The following ERC2 variants were observed in gnomAD, a reference collection of about 807,000 sequenced individuals.
ERC2 encodes the protein ELKS/RAB6-interacting/CAST family member 2.
ERC2 carries 42 observed loss-of-function variants against 114.8 expected under a neutral mutation model. The ratio of observed to expected loss-of-function variants is 0.37; its 90% CI spans 0.29 to 0.47. The LOEUF (loss-of-function observed/expected upper bound fraction) is 0.47. Among genes scored for constraint, ERC2 ranks in the 20% least tolerant of loss-of-function variants. The probability of loss-of-function intolerance (pLI) is 0.99; values close to 1 mark genes in which losing one functional copy is unlikely to be tolerated. For missense variants in ERC2, 939 were observed against 1,150.7 expected (o/e 0.82, Z 2.66); for synonymous variants, 454 against 425.5 (o/e 1.07, Z -0.82).
At chr3:55,831,996 C>G (rs2060623668) in intron 14 of ERC2, among the ~76,000 whole-genome samples, 1 of 152,364 alleles carries the variant, frequency 6.6e-6, no homozygotes, top group African/African-American at 2.4e-5. Flanking sequence ...CGGAGTTTCA[C>G]TGATTGCTGG....
In ERC2 at chr3:55,715,004, C is replaced by A. The variant is rs373634729; in HGVS notation, c.2713-15492G>T. On this transcript the variant is annotated intron_variant, in intron 15 of 17. Coordinates refer to ENST00000288221, the MANE Select transcript of ERC2 (RefSeq NM_015576.3). ...CTTTGGAGAATTGAGACTCCTGTTG[C>A]CTTCTATTTTAGTGAACTACAACAG... Among the ~76,000 whole-genome samples, 30 of 152,086 alleles carry A rather than the reference C, an allele frequency of 2.0e-4. 1 individual carries two copies. Among genetic ancestry groups the A allele is most frequent in the East Asian group, 1.9e-3 (10 of 5,170 alleles).
At chr3:55,987,185 G>T (rs1347469770) in intron 11 of ERC2, among the ~76,000 whole-genome samples, 2 of 152,168 alleles carry the variant, frequency 1.3e-5, no homozygotes, top group African/African-American at 4.8e-5. Context: ...AGTGTTTTGT[G>T]ATCATAAATG....
At chr3:55,647,888 GCCTCGC>G (rs2148669499) in intron 17 of ERC2, among the ~76,000 whole-genome samples, 1 of 152,338 alleles carries the variant, frequency 6.6e-6, no homozygotes, top group South Asian at 2.1e-4. Context: ...TGCTGCAGCC[GCCTCGC>G]CCTGTGGAGA....
chr3:55,834,826 G>A (rs534778021), intron 14 of ERC2, among the ~76,000 whole-genome samples: 1 of 129,158 alleles, frequency 7.7e-6, no homozygotes, highest in South Asian at 2.5e-4. Flanking sequence ...TTTTTTGAAA[G>A]GATCAACAAA....
intron 7 of ERC2, among the ~76,000 whole-genome samples, chr3:56,075,579 G>C (rs957750799): frequency 6.6e-6 from 1 of 152,064 alleles, no homozygotes; most frequent in Non-Finnish European, 1.5e-5. Context: ...GCCATATGTT[G>C]TTCTCCACTG....
chr3:55,607,107 CATTCATTAA>C (rs2058671841), intron 17 of ERC2: 2 of 152,428 alleles, frequency 1.3e-5, no homozygotes, highest in South Asian at 4.2e-4. Flanking sequence ...ATTCTACACA[CATTCATTAA>C]GCATGGTGCC....
rs567476258 is a variant in ERC2, at chr3:55,537,178, G to A, written c.*40-25902C>T. Among the ~76,000 whole-genome samples the A allele has an allele frequency of 7.9e-5, 12 of 152,304 alleles. No homozygotes were observed. In the South Asian group the frequency reaches 1.5e-3, roughly 18 times the overall value. The stretch of plus-strand genomic sequence containing the variant: ...CGGTAACTCACTGCAGACCAGCGGG[G>A]CTGGCCGGCCACATTTCCACAAGAA... On this transcript the variant is annotated intron_variant, in intron 17 of 17. Coordinates refer to ENST00000288221, the MANE Select transcript of ERC2 (RefSeq NM_015576.3).
intron 2 of ERC2, among the ~76,000 whole-genome samples, chr3:56,412,453 A>G (rs914216030): frequency 6.6e-6 from 1 of 152,234 alleles, no homozygotes; most frequent in African/African-American, 2.4e-5. Flanking sequence ...CAGATCAGGA[A>G]ACTGAGGCTC....
At chr3:56,215,385 A>T (rs2049386516) in intron 3 of ERC2, among the ~76,000 whole-genome samples, 1 of 152,248 alleles carries the variant, frequency 6.6e-6, no homozygotes, top group Non-Finnish European at 1.5e-5. Flanking sequence ...AAAGATCAAA[A>T]GAGACAAAGA....
chr3:56,116,930 T>C (rs1161212774), intron 6 of ERC2, among the ~76,000 whole-genome samples: 1 of 152,228 alleles, frequency 6.6e-6, no homozygotes, highest in Admixed American at 6.5e-5. Flanking sequence ...GCAGGCATTA[T>C]GCTAAATTTT....
At chr3:55,711,828 A>C (rs1196924103) in intron 15 of ERC2, among the ~76,000 whole-genome samples, 1 of 152,220 alleles carries the variant, frequency 6.6e-6, no homozygotes, top group Non-Finnish European at 1.5e-5. Flanking sequence ...TAAACATATC[A>C]TAGCTGTTTC....
chr3:55,588,875 C>A (rs959784615), intron 17 of ERC2, among the ~76,000 whole-genome samples: 1 of 151,940 alleles, frequency 6.6e-6, no homozygotes, highest in Non-Finnish European at 1.5e-5. Context: ...CAGCCTGCCT[C>A]GAGTGTGTGG....
rs369636573 is a variant in ERC2, at chr3:55,907,396, G to A, written c.2404-18847C>T. On this transcript the variant is annotated intron_variant, in intron 13 of 17. Coordinates refer to ENST00000288221, the MANE Select transcript of ERC2 (RefSeq NM_015576.3). The stretch of plus-strand genomic sequence containing the variant: ...TCATGCCCTGCTGCACAGGGCTCTT[G>A]TGAGGATTATGTGAGATTGCAGGAT... Among the ~76,000 whole-genome samples, 24 of 152,318 alleles carry A rather than the reference G, an allele frequency of 1.6e-4. No homozygotes were observed. The South Asian group carries it at 5.0e-3, about 32-fold the overall frequency.
chr3:56,093,579 A>G (rs1329856501), intron 6 of ERC2, among the ~76,000 whole-genome samples: 3 of 152,174 alleles, frequency 2.0e-5, no homozygotes, highest in Non-Finnish European at 4.4e-5. Context: ...TACCACATTC[A>G]TATCAGTGTA....
At chr3:56,071,569 G>A (rs1383690240) in intron 7 of ERC2, among the ~76,000 whole-genome samples, 1 of 152,186 alleles carries the variant, frequency 6.6e-6, no homozygotes, top group African/African-American at 2.4e-5. Flanking sequence ...CCCAAAGGAA[G>A]AAAAATGGAG....
intron 2 of ERC2, among the ~76,000 whole-genome samples, chr3:56,308,779 T>G (rs2056374677): frequency 1.3e-5 from 2 of 148,348 alleles, no homozygotes; most frequent in Non-Finnish European, 3.0e-5. Flanking sequence ...TTGGCTTATA[T>G]CCAAAAGTCG....
intron 2 of ERC2, among the ~76,000 whole-genome samples, chr3:56,375,428 A>AT (rs1449674996): frequency 6.6e-6 from 1 of 152,150 alleles, no homozygotes; most frequent in Non-Finnish European, 1.5e-5. Context: ...AGAAGAGAGA[A>AT]TTTTTGTTGA....
intron 17 of ERC2, among the ~76,000 whole-genome samples, chr3:55,676,483 G>C (rs982711943): frequency 8.4e-6 from 1 of 118,828 alleles, no homozygotes; most frequent in Admixed American, 8.1e-5. Flanking sequence ...TATTATTTTA[G>C]CATTCAGCTT....
intron 14 of ERC2, among the ~76,000 whole-genome samples, chr3:55,775,787 A>T (rs1017777846): frequency 6.6e-6 from 1 of 152,170 alleles, no homozygotes; most frequent in Non-Finnish European, 1.5e-5. Flanking sequence ...ACAACAGCAG[A>T]CAATTAGTTA....
Sources: gnomAD v4.1 joint callset for allele counts (sites outside exome capture counted in the v4.1 genomes callset) on GRCh38, gnomAD v4.1.1 for gene constraint, MANE v1.5 for transcripts, NCBI Gene and HGNC (gene_info 2026-07-23, HGNC 2026-07-21) for gene names.